Variants in TP63 observed in about 807,000 individuals in gnomAD.
The protein encoded by TP63 is tumor protein 63.
In TP63, 17 loss-of-function variants were observed where a neutral mutation model predicts 82.8. The observed-to-expected ratio is 0.21, with a 90% confidence interval of 0.14 to 0.31. TP63 has a LOEUF of 0.31. TP63 is among the 10% of genes least tolerant of loss of function. TP63 has a pLI of 1.00. For synonymous variants in TP63, 330 were observed against 321.7 expected (o/e 1.03, Z -0.28); for missense variants, 648 against 895.3 (o/e 0.72, Z 3.52).
chr3:189,721,043 G>A lies in TP63; in HGVS notation c.63-16697G>A, dbSNP rs538346507. Among the ~76,000 whole-genome samples the A allele has an allele frequency of 1.1e-4, 16 of 152,336 alleles. No individual in the cohort carries two copies. In the South Asian group the frequency reaches 2.9e-3, roughly 28 times the overall value. ...GAGGTGATTGGCTTCCGATGAAGTT[G>A]CTATAAGAGGACACTGACAGGGAAG... On this transcript the variant is annotated intron_variant, in intron 1 of 13. Transcript: ENST00000264731.
At chr3:189,631,638 A>T in intron 1 of TP63, 61 bp downstream of exon 1, 1 of 1,610,360 alleles carries the variant, frequency 6.2e-7, no homozygotes, top group South Asian at 1.1e-5. Context: ...GTGTATTATG[A>T]ATGTGTCAGC....
intron 1 of TP63, among the ~76,000 whole-genome samples, chr3:189,682,051 G>T (rs1330858329): frequency 6.6e-6 from 1 of 152,106 alleles, no homozygotes; most frequent in Non-Finnish European, 1.5e-5. Context: ...TGGCCAACAT[G>T]GTGAAACCCG....
chr3:189,707,437 T>C (rs920813451), intron 1 of TP63, among the ~76,000 whole-genome samples: 1 of 152,146 alleles, frequency 6.6e-6, no homozygotes, highest in Admixed American at 6.5e-5. Flanking sequence ...TATATACTCT[T>C]TTTGCTATTA....
chr3:189,755,336 A>G (rs1352859437), intron 3 of TP63, among the ~76,000 whole-genome samples: 2 of 152,154 alleles, frequency 1.3e-5, no homozygotes, highest in East Asian at 3.9e-4. Context: ...AAAGCAATAC[A>G]ACCAACATAA....
At chr3:189,809,882 G>C (rs1727340154) in intron 4 of TP63, among the ~76,000 whole-genome samples, 1 of 152,184 alleles carries the variant, frequency 6.6e-6, no homozygotes, top group Non-Finnish European at 1.5e-5. Flanking sequence ...TGGAGGTTAA[G>C]TTAAGAGGCA....
intron 3 of TP63, among the ~76,000 whole-genome samples, chr3:189,806,097 A>G (rs2108631846): frequency 1.2e-5 from 1 of 85,690 alleles, no homozygotes; most frequent in Non-Finnish European, 2.1e-5. Context: ...CCCTTTTTGT[A>G]AGTCCTTGTT....
the TP63 span, among the ~76,000 whole-genome samples, chr3:189,611,071 A>G: frequency 4.9e-4 from 74 of 152,264 alleles, no homozygotes; most frequent in African/African-American, 1.7e-3. Context: ...ATAAGATGAG[A>G]TTTGGATGGG....
At chr3:189,853,023 A>G (rs1270176051) in intron 4 of TP63, among the ~76,000 whole-genome samples, 1 of 152,104 alleles carries the variant, frequency 6.6e-6, no homozygotes, top group East Asian at 1.9e-4. Flanking sequence ...CCTAGTTTAA[A>G]TATCACTACC....
intron 10 of TP63, among the ~76,000 whole-genome samples, chr3:189,881,822 G>A (rs942606742): frequency 6.6e-6 from 1 of 152,102 alleles, no homozygotes; most frequent in African/African-American, 2.4e-5. Context: ...ACCTCTAGTT[G>A]TATGTTAATT....
chr3:189,824,834 T>TAA (rs75963451), intron 4 of TP63, among the ~76,000 whole-genome samples: 8 of 138,748 alleles, frequency 5.8e-5, no homozygotes, highest in East Asian at 4.2e-4. Flanking sequence ...TTTGTAGGTT[T>TAA]AAAAAAAAAA....
intron 10 of TP63, among the ~76,000 whole-genome samples, chr3:189,874,536 AG>A (rs1476771247): frequency 6.6e-6 from 1 of 152,180 alleles, no homozygotes; most frequent in Non-Finnish European, 1.5e-5. Flanking sequence ...TTTGGCCCGA[AG>A]GGATCTCACC....
intron 3 of TP63, chr3:189,789,915 A>G: frequency 7.1e-7 from 1 of 1,414,724 alleles, no homozygotes. Context: ...AAACTTACGT[A>G]TTTGCGGTTC....
intron 1 of TP63, among the ~76,000 whole-genome samples, chr3:189,661,452 A>G (rs894778051): frequency 6.6e-6 from 1 of 152,060 alleles, no homozygotes; most frequent in Non-Finnish European, 1.5e-5. Context: ...TAACTTTTTG[A>G]TGCGCTGCTG....
chr3:189,646,971 G>C (rs1253169484), intron 1 of TP63, among the ~76,000 whole-genome samples: 1 of 147,290 alleles, frequency 6.8e-6, no homozygotes, highest in Admixed American at 6.7e-5. Flanking sequence ...CTCAAAGCAT[G>C]CTGCTTAGTT....
intron 1 of TP63, among the ~76,000 whole-genome samples, chr3:189,654,251 A>G (rs1009563313): frequency 4.6e-5 from 7 of 152,282 alleles, no homozygotes; most frequent in Admixed American, 3.3e-4. Context: ...TTGTAAAAAA[A>G]AAAAAGAAAA....
intron 1 of TP63, among the ~76,000 whole-genome samples, chr3:189,733,629 C>T (rs1012699873): frequency 2.0e-5 from 3 of 152,120 alleles, no homozygotes; most frequent in African/African-American, 7.2e-5. Context: ...TTGTTCATTT[C>T]TGTTTTTGAC....
intron 4 of TP63, among the ~76,000 whole-genome samples, chr3:189,849,061 T>C (rs1715303009): frequency 6.6e-6 from 1 of 152,084 alleles, no homozygotes; most frequent in Non-Finnish European, 1.5e-5. Flanking sequence ...GAAACCTTCA[T>C]AAAAACCCAA....
intron 1 of TP63, among the ~76,000 whole-genome samples, chr3:189,713,304 G>T (rs1718729281): frequency 6.6e-6 from 1 of 152,142 alleles, no homozygotes; most frequent in African/African-American, 2.4e-5. Context: ...TCAACAGTGG[G>T]GAAGAGGCCA....
At chr3:189,712,217 A>G (rs1718646482) in intron 1 of TP63, among the ~76,000 whole-genome samples, 1 of 152,172 alleles carries the variant, frequency 6.6e-6, no homozygotes, top group South Asian at 2.1e-4. Flanking sequence ...ACAACTAACT[A>G]CTGCACAAGG....
Sources: allele counts gnomAD v4.1 joint callset (sites outside exome capture counted in the v4.1 genomes callset), GRCh38; gene constraint gnomAD v4.1.1; transcripts MANE v1.5; gene names NCBI Gene and HGNC (gene_info 2026-07-23, HGNC 2026-07-21).